XPO6: variants seen among roughly 807,000 people sequenced by gnomAD.
The protein encoded by XPO6 is exportin-6.
XPO6 carries 3 observed loss-of-function variants against 130.0 expected under a neutral mutation model. The ratio of observed to expected loss-of-function variants is 0.02; its 90% CI spans 0.01 to 0.06. The LOEUF (loss-of-function observed/expected upper bound fraction) is 0.06, where lower values mean the gene tolerates loss of function less well. Ranked by LOEUF, XPO6 falls within the 10% of genes least tolerant of loss-of-function variation. The pLI is 1.00. For missense variants in XPO6, 970 were observed against 1,393.0 expected (o/e 0.70, Z 4.83); for synonymous variants, 524 against 548.9 (o/e 0.95, Z 0.63).
chr16:28,184,266 C>T (rs2043660221), intron 1 of XPO6, among the ~76,000 whole-genome samples: 1 of 152,086 alleles, frequency 6.6e-6, no homozygotes, highest in African/African-American at 2.4e-5. Context: ...ATTTATCTGA[C>T]TGCCTCCTAC....
intron 6 of XPO6, among the ~76,000 whole-genome samples, chr16:28,163,203 G>A (rs1301474151): frequency 2.0e-5 from 3 of 152,190 alleles, no homozygotes; most frequent in African/African-American, 7.2e-5. Flanking sequence ...CACAGGAGTT[G>A]TAAGTGACCC....
intron 17 of XPO6, chr16:28,111,114 A>G (rs2086909611): frequency 6.6e-6 from 1 of 152,240 alleles, no homozygotes; most frequent in Non-Finnish European, 1.5e-5. Context: ...CTAGTTATAA[A>G]AGTAGTGTTT....
chr16:28,154,072 T>C (rs1009081225), intron 7 of XPO6: 2 of 985,302 alleles, frequency 2.0e-6, no homozygotes, highest in Non-Finnish European at 2.4e-6. Context: ...TAAAATCAAC[T>C]GTTTTTAGAG....
Position 28,112,982 on chromosome 16 carries a change from G to A in XPO6, c.2073C>T (p.Val691=). The A allele has an allele frequency of 6.2e-7, 1 of 1,614,192 alleles. No homozygotes were observed. Among genetic ancestry groups the A allele is most frequent in the Non-Finnish European group, 8.5e-7 (1 of 1,180,030 alleles). Residue 691 remains valine (V), a synonymous_variant, in exon 16 of 24, where the codon GTC becomes GTT. Coordinates refer to ENST00000304658, the MANE Select transcript of XPO6 (RefSeq NM_015171.4). ...GCACTGCAGGGATGCTGATCAGAAA[G>A]ACGGGCCGCACGGTGGTGGCCAGTG... is the stretch of plus-strand genomic sequence containing the variant. ...LVSLATTVRP[V]FLISIPAVQK...
chr16:28,121,765 G>A lies in XPO6; in HGVS notation c.1767-3C>T. 1 of 1,605,844 alleles carries A rather than the reference G, an allele frequency of 6.2e-7. No homozygotes were observed. The highest frequency in any genetic ancestry group is 8.5e-7 in the Non-Finnish European group (1 of 1,172,698). On this transcript the variant is annotated splice_polypyrimidine_tract_variant and splice_region_variant and intron_variant, in intron 13 of 23. Transcript: ENST00000304658. ...CGTACAGAGTGACTTTGACCAACCTGTTGGCAAAGAGGCAGGTAAACAAGA... is the reference window on the plus strand; with the variant it reads ...CGTACAGAGTGACTTTGACCAACCTATTGGCAAAGAGGCAGGTAAACAAGA...
At chr16:28,108,040 T>C (rs2086825601) in intron 17 of XPO6, among the ~76,000 whole-genome samples, 1 of 152,028 alleles carries the variant, frequency 6.6e-6, no homozygotes, top group Non-Finnish European at 1.5e-5. Flanking sequence ...TTTAATCAAA[T>C]CTAAAAGATG....
chr16:28,122,443 A>G (rs2141266912), intron 13 of XPO6, among the ~76,000 whole-genome samples: 1 of 152,212 alleles, frequency 6.6e-6, no homozygotes, highest in East Asian at 1.9e-4. Context: ...ACAACAAAGT[A>G]GGACCCTGTC....
chr16:28,207,771 C>G (rs1175485352), intron 1 of XPO6, among the ~76,000 whole-genome samples: 1 of 152,202 alleles, frequency 6.6e-6, no homozygotes, highest in Non-Finnish European at 1.5e-5. Flanking sequence ...CAGAGCAGGT[C>G]TGTCCATCTC....
intron 9 of XPO6, among the ~76,000 whole-genome samples, chr16:28,145,160 A>AC (rs2042962143): frequency 1.3e-5 from 2 of 152,186 alleles, no homozygotes; most frequent in Non-Finnish European, 2.9e-5. Flanking sequence ...TTATTAGGAA[A>AC]CTACTCTGAT....
intron 8 of XPO6, among the ~76,000 whole-genome samples, chr16:28,151,872 T>C (rs1253925785): frequency 6.6e-6 from 1 of 152,058 alleles, no homozygotes; most frequent in East Asian, 1.9e-4. Flanking sequence ...TACCAAAAAC[T>C]TTAAAAACTA....
At chr16:28,204,446 C>T (rs1235828184) in intron 1 of XPO6, among the ~76,000 whole-genome samples, 1 of 151,642 alleles carries the variant, frequency 6.6e-6, no homozygotes, top group Admixed American at 6.6e-5. Context: ...GGGAGCCAGG[C>T]CAAAGGCCTG....
At chr16:28,107,490 C>A in intron 18 of XPO6, 32 bp downstream of exon 18, 1 of 1,612,720 alleles carries the variant, frequency 6.2e-7, no homozygotes, top group Non-Finnish European at 8.5e-7. Flanking sequence ...GTTAGCACCA[C>A]CCACCAGTGG....
chr16:28,153,595 T>A, intron 7 of XPO6: 1 of 985,420 alleles, frequency 1.0e-6, no homozygotes, highest in Non-Finnish European at 1.2e-6. Flanking sequence ...AGATCTCTGT[T>A]ATTAAATACA....
chr16:28,162,848 T>C (rs1567632011), intron 6 of XPO6, among the ~76,000 whole-genome samples: 1 of 152,216 alleles, frequency 6.6e-6, no homozygotes. Flanking sequence ...TAAGCCACCA[T>C]GCCCAGCCCT....
chr16:28,196,510 A>G (rs1238771826), intron 1 of XPO6, among the ~76,000 whole-genome samples: 1 of 152,182 alleles, frequency 6.6e-6, no homozygotes, highest in African/African-American at 2.4e-5. Context: ...AACATGGTGA[A>G]TGCACTTAAT....
intron 13 of XPO6, among the ~76,000 whole-genome samples, chr16:28,124,652 C>T (rs2087346600): frequency 1.3e-5 from 2 of 152,224 alleles, no homozygotes; most frequent in African/African-American, 2.4e-5. Context: ...AACAATAAAA[C>T]GGCAATGCCT....
intron 9 of XPO6, among the ~76,000 whole-genome samples, chr16:28,145,720 G>C (rs889536126): frequency 2.6e-5 from 4 of 152,144 alleles, no homozygotes; most frequent in Non-Finnish European, 5.9e-5. Flanking sequence ...TGGGCAGCCT[G>C]TTTCTTCTCT....
intron 21 of XPO6, 86 bp downstream of exon 21, chr16:28,104,460 C>G (rs192552401): frequency 3.1e-4 from 467 of 1,523,846 alleles, no homozygotes; most frequent in Non-Finnish European, 4.0e-4. Context: ...GCTTCAGACC[C>G]GAGACTGTGG....
chr16:28,207,646 G>A (rs568951806), intron 1 of XPO6, among the ~76,000 whole-genome samples: 143 of 152,266 alleles, frequency 9.4e-4, no homozygotes, highest in Non-Finnish European at 1.6e-3. Context: ...ACAACATACA[G>A]GTGGAAGACT....
Sources: allele counts gnomAD v4.1 joint callset (sites outside exome capture counted in the v4.1 genomes callset), GRCh38; gene constraint gnomAD v4.1.1; transcripts MANE v1.5; gene names NCBI Gene and HGNC (gene_info 2026-07-23, HGNC 2026-07-21).